Variants in SLC2A13 observed in about 807,000 individuals in gnomAD.
SLC2A13 encodes the protein solute carrier family 2 member 13.
SLC2A13 carries 32 observed loss-of-function variants against 64.4 expected under a neutral mutation model. That is an observed-to-expected ratio of 0.50 (90% confidence interval 0.37 to 0.67). SLC2A13 has a LOEUF of 0.67. Among genes scored for constraint, SLC2A13 ranks in the 30% least tolerant of loss-of-function variants. SLC2A13 has a pLI of 0.00. For synonymous variants in SLC2A13, 338 were observed against 327.1 expected (o/e 1.03, Z -0.36); for missense variants, 743 against 829.2 (o/e 0.90, Z 1.28).
At chr12:39,827,923 C>G (rs760555623) in intron 7 of SLC2A13, among the ~76,000 whole-genome samples, 2 of 152,022 alleles carry the variant, frequency 1.3e-5, no homozygotes, top group African/African-American at 2.4e-5. Flanking sequence ...GGATATATGG[C>G]TATGGATTGC....
chr12:40,092,706 AGAG>A (rs1565624423), intron 1 of SLC2A13, among the ~76,000 whole-genome samples: 3 of 152,226 alleles, frequency 2.0e-5, no homozygotes, highest in African/African-American at 7.2e-5. Flanking sequence ...GAAGAGAATA[AGAG>A]GAGATTTCAA....
chr12:40,089,100 T>G (rs1938680728), intron 1 of SLC2A13, among the ~76,000 whole-genome samples: 1 of 152,164 alleles, frequency 6.6e-6, no homozygotes, highest in Admixed American at 6.5e-5. Context: ...ATCATGCAAA[T>G]GGCAGAATGA....
intron 6 of SLC2A13, among the ~76,000 whole-genome samples, chr12:39,839,916 T>G (rs1374368296): frequency 6.6e-6 from 1 of 152,118 alleles, no homozygotes; most frequent in Non-Finnish European, 1.5e-5. Context: ...TCCTTTTGTG[T>G]CTCCCAATCT....
Position 39,922,644 on chromosome 12 carries a change from T to A in SLC2A13, c.1034+28613A>T, listed in dbSNP as rs1436396871. Among the ~76,000 whole-genome samples, 3 of 152,196 alleles carry A rather than the reference T, an allele frequency of 2.0e-5. No individual in the cohort carries two copies. In the South Asian group the frequency reaches 6.2e-4, roughly 32 times the overall value. ...CTTTTTACTTATACAATACAATGAC[T>A]TTTTGTGTGTGTATGGGGGTTTTTC... On this transcript the variant is annotated intron_variant, in intron 4 of 9. Transcript: ENST00000280871.
chr12:40,065,082 A>G (rs1015941057), intron 1 of SLC2A13, among the ~76,000 whole-genome samples: 1 of 152,200 alleles, frequency 6.6e-6, no homozygotes, highest in Admixed American at 6.5e-5. Context: ...AATTTTAGAT[A>G]CTAAAAAAAT....
chr12:40,075,756 T>C (rs1325512822), intron 1 of SLC2A13, among the ~76,000 whole-genome samples: 2 of 152,310 alleles, frequency 1.3e-5, no homozygotes, highest in East Asian at 3.8e-4. Flanking sequence ...AATATTGTCC[T>C]ACAAGTCCTT....
At chr12:40,103,397 T>C (rs1358074539) in intron 1 of SLC2A13, among the ~76,000 whole-genome samples, 2 of 152,234 alleles carry the variant, frequency 1.3e-5, no homozygotes, top group African/African-American at 2.4e-5. Context: ...CAGCCATCTC[T>C]GATAACCTAT....
intron 6 of SLC2A13, among the ~76,000 whole-genome samples, chr12:39,836,565 G>A (rs1293160254): frequency 2.0e-5 from 3 of 150,950 alleles, no homozygotes; most frequent in South Asian, 2.1e-4. Flanking sequence ...GTTTGCAGAC[G>A]ATATGATTGT....
rs969361042 is a variant in SLC2A13, at chr12:39,756,550, T to C, written c.*3476A>G. On this transcript the variant is annotated 3_prime_UTR_variant, in exon 10 of 10. Coordinates refer to ENST00000280871, the MANE Select transcript of SLC2A13 (RefSeq NM_052885.4). ...CCACTGTATTACAGTATTTATGAAC[T>C]GTATTAGTGTCACTAAATTCTGAGA... The C allele has an allele frequency of 6.6e-6, 1 of 151,974 alleles. No homozygotes were observed. Among genetic ancestry groups the C allele is most frequent in the Non-Finnish European group, 1.5e-5 (1 of 67,746 alleles). 9.4% of individuals were successfully genotyped at this position (151,974 alleles called of 1,614,324 possible).
At chr12:40,000,878 T>C (rs1429568314) in intron 3 of SLC2A13, among the ~76,000 whole-genome samples, 1 of 152,126 alleles carries the variant, frequency 6.6e-6, no homozygotes. Flanking sequence ...ATTTATTACA[T>C]GAAGCCCCAC....
At chr12:40,073,533 G>C (rs978711021) in intron 1 of SLC2A13, among the ~76,000 whole-genome samples, 25 of 152,026 alleles carry the variant, frequency 1.6e-4, no homozygotes, top group African/African-American at 5.3e-4. Flanking sequence ...ACGTAGATCT[G>C]AGTTTCTGAC....
At chr12:40,004,054 C>T (rs751034202) in intron 3 of SLC2A13, among the ~76,000 whole-genome samples, 1 of 151,794 alleles carries the variant, frequency 6.6e-6, no homozygotes, top group South Asian at 2.1e-4. Context: ...ATACAAAATA[C>T]AAATTTAAAA....
chr12:39,974,380 C>A (rs1197945428), intron 3 of SLC2A13, among the ~76,000 whole-genome samples: 1 of 152,146 alleles, frequency 6.6e-6, no homozygotes, highest in Non-Finnish European at 1.5e-5. Flanking sequence ...GACCTCAACC[C>A]ATGTTCTTGC....
intron 1 of SLC2A13, among the ~76,000 whole-genome samples, chr12:40,070,442 C>T (rs903764856): frequency 3.3e-5 from 5 of 152,156 alleles, no homozygotes; most frequent in African/African-American, 1.2e-4. Flanking sequence ...CACTGACCAG[C>T]TAAACAGGGC....
intron 1 of SLC2A13, among the ~76,000 whole-genome samples, chr12:40,100,745 C>T (rs2136307996): frequency 6.6e-6 from 1 of 152,186 alleles, no homozygotes; most frequent in East Asian, 1.9e-4. Context: ...AGGCAGATCA[C>T]CTGAGATCAG....
At chr12:39,797,752 A>G (rs1414405631) in intron 7 of SLC2A13, among the ~76,000 whole-genome samples, 5 of 152,028 alleles carry the variant, frequency 3.3e-5, no homozygotes, top group Non-Finnish European at 4.4e-5. Flanking sequence ...ACACACACAC[A>G]CACACACACA....
chr12:39,860,170 G>T (rs1176949541), intron 6 of SLC2A13, among the ~76,000 whole-genome samples: 2 of 152,216 alleles, frequency 1.3e-5, no homozygotes, highest in Admixed American at 1.3e-4. Context: ...GTTAGTCTGT[G>T]TGCCCTAGGA....
intron 7 of SLC2A13, among the ~76,000 whole-genome samples, chr12:39,810,716 A>G (rs1337848668): frequency 6.6e-6 from 1 of 152,126 alleles, no homozygotes; most frequent in African/African-American, 2.4e-5. Flanking sequence ...TATTTTCTGT[A>G]TGTATTAAGA....
At chr12:39,812,959 A>G (rs1942229842) in intron 7 of SLC2A13, among the ~76,000 whole-genome samples, 1 of 129,686 alleles carries the variant, frequency 7.7e-6, no homozygotes, top group African/African-American at 2.9e-5. Context: ...CCTCCCAAGT[A>G]GCAGGGATTA....
Sources: gnomAD v4.1 joint callset for allele counts (sites outside exome capture counted in the v4.1 genomes callset) on GRCh38, gnomAD v4.1.1 for gene constraint, MANE v1.5 for transcripts, NCBI Gene and HGNC (gene_info 2026-07-23, HGNC 2026-07-21) for gene names.